The following NCEH1 variants were observed in gnomAD, a reference collection of about 807,000 sequenced individuals.
NCEH1 encodes neutral cholesterol ester hydrolase 1.
NCEH1 carries 9 observed loss-of-function variants against 25.4 expected under a neutral mutation model. That is an observed-to-expected ratio of 0.35 (90% CI 0.21 to 0.62). The LOEUF is 0.62. Among genes scored for constraint, NCEH1 ranks in the 20% least tolerant of loss-of-function variants. The pLI, the probability that NCEH1 is intolerant of heterozygous loss-of-function variation, is 0.72. For synonymous variants in NCEH1, 200 were observed against 199.8 expected, an observed-to-expected ratio of 1.00 and a Z score of -0.01; for missense variants, 412 against 501.1, an observed-to-expected ratio of 0.82 and a Z score of 1.70.
chr3:172,684,162 C>G (rs796726298), intron 1 of NCEH1, among the ~76,000 whole-genome samples: 8 of 152,314 alleles, frequency 5.3e-5, no homozygotes, highest in African/African-American at 1.9e-4. Context: ...ACTGCTTCAC[C>G]CTAACACTTA....
chr3:172,645,635 A>G lies in NCEH1; in HGVS notation c.425T>C (p.Ile142Thr). 6.3e-7 allele frequency: 1 copy of G among 1,599,074 alleles called. No homozygotes were observed. Among genetic ancestry groups the G allele is most frequent in the Non-Finnish European group, 8.5e-7 (1 of 1,171,356 alleles). ...TAMAEELNAV[I>T]VSIEYRLVPK... is the part of the protein sequence containing the mutation. Reference sequence around the variant, plus strand: ...ATTAATTACTTACTCAATGGAAACAATGACAGCATTCAATTCCTCAGCCAT... The same window carrying G: ...ATTAATTACTTACTCAATGGAAACAGTGACAGCATTCAATTCCTCAGCCAT... Residue 142 changes from isoleucine to threonine, a missense_variant, in exon 3 of 5, where the codon ATT (isoleucine) becomes ACT (threonine). Transcript: ENST00000475381.
intron 1 of NCEH1, among the ~76,000 whole-genome samples, chr3:172,682,877 T>C (rs1325188781): frequency 6.6e-6 from 1 of 152,236 alleles, no homozygotes; most frequent in Non-Finnish European, 1.5e-5. Flanking sequence ...CTTTGTCATG[T>C]AGCTTTTAGA....
At chr3:172,657,425 T>C (rs1272308886) in intron 1 of NCEH1, among the ~76,000 whole-genome samples, 1 of 152,180 alleles carries the variant, frequency 6.6e-6, no homozygotes, top group Non-Finnish European at 1.5e-5. Context: ...AACCTTACTA[T>C]TGTCCTCAGC....
chr3:172,643,310 T>C (rs1447737292), intron 3 of NCEH1, among the ~76,000 whole-genome samples: 1 of 152,144 alleles, frequency 6.6e-6, no homozygotes, highest in East Asian at 1.9e-4. Context: ...TGGGCTCAAG[T>C]AATCCTTGTA....
intron 1 of NCEH1, among the ~76,000 whole-genome samples, chr3:172,658,451 T>G (rs980808606): frequency 9.2e-5 from 14 of 152,196 alleles, no homozygotes; most frequent in Non-Finnish European, 1.6e-4. Context: ...AGGGCATGCA[T>G]GGACCTAAAG....
At chr3:172,709,006 C>A (rs1214900633) in intron 1 of NCEH1, among the ~76,000 whole-genome samples, 1 of 152,136 alleles carries the variant, frequency 6.6e-6, no homozygotes, top group Non-Finnish European at 1.5e-5. Context: ...TGATAAGAGC[C>A]ATTTTTCTGC....
At chr3:172,670,715 G>A (rs1711563453) in intron 1 of NCEH1, among the ~76,000 whole-genome samples, 1 of 152,146 alleles carries the variant, frequency 6.6e-6, no homozygotes, top group Non-Finnish European at 1.5e-5. Flanking sequence ...AGCATCAGTA[G>A]TTAATGGTAA....
intron 1 of NCEH1, among the ~76,000 whole-genome samples, chr3:172,690,150 G>A (rs565493696): frequency 5.3e-5 from 8 of 152,036 alleles, no homozygotes; most frequent in Middle Eastern, 3.4e-3. Flanking sequence ...TGATCCACCC[G>A]CCTCGGCCTC....
In NCEH1 at chr3:172,633,394, A is replaced by T; in HGVS notation, c.*81T>A. The T allele has an allele frequency of 7.7e-7, 1 of 1,291,276 alleles. No homozygotes were observed. The highest frequency in any genetic ancestry group is 1.1e-6 in the Non-Finnish European group (1 of 924,226). 80.0% of individuals were successfully genotyped at this position (1,291,276 alleles called of 1,614,324 possible). ...GTAGAGGGGAATGGGAGGAAGAATT[A>T]GTCAACTAAAAAGTGCATGTCTTTC... On this transcript the variant is annotated 3_prime_UTR_variant, in exon 5 of 5. Transcript: ENST00000475381.
chr3:172,633,320 G>T lies in NCEH1; in HGVS notation c.*155C>A. On this transcript the variant is annotated 3_prime_UTR_variant, in exon 5 of 5. Coordinates refer to ENST00000475381, the MANE Select transcript of NCEH1 (RefSeq NM_020792.6). ...TAGTCAAATTCATTTTTAAAAATTA[G>T]GTTATCATAAAGACTTCAGTTATGG... is the stretch of plus-strand genomic sequence containing the variant. 1.3e-6 allele frequency: 1 copy of T among 746,032 alleles called. No individual in the cohort carries two copies. The allele number at this position is 746,032 out of a possible 1,614,324, so 46.2% of individuals were successfully genotyped here.
intron 1 of NCEH1, among the ~76,000 whole-genome samples, chr3:172,674,128 T>G (rs1336767570): frequency 1.3e-5 from 2 of 152,106 alleles, no homozygotes; most frequent in Non-Finnish European, 2.9e-5. Context: ...ATAGAACATC[T>G]TAAGTTGAAA....
At chr3:172,704,274 T>C (rs541967030) in intron 1 of NCEH1, among the ~76,000 whole-genome samples, 2 of 152,346 alleles carry the variant, frequency 1.3e-5, no homozygotes, top group East Asian at 3.9e-4. Flanking sequence ...CCAAAAGCAC[T>C]GTCACCCATA....
intron 1 of NCEH1, among the ~76,000 whole-genome samples, chr3:172,671,492 C>T (rs1322678753): frequency 2.4e-5 from 3 of 127,278 alleles, no homozygotes; most frequent in Non-Finnish European, 4.7e-5. Context: ...ACCGCTGCTA[C>T]ACACACATAC....
At chr3:172,674,702 T>C (rs1029010775) in intron 1 of NCEH1, among the ~76,000 whole-genome samples, 1 of 152,224 alleles carries the variant, frequency 6.6e-6, no homozygotes, top group Non-Finnish European at 1.5e-5. Flanking sequence ...TATGCCACTC[T>C]TGTGGAAATT....
intron 1 of NCEH1, among the ~76,000 whole-genome samples, chr3:172,671,434 T>G (rs1711611767): frequency 6.6e-6 from 1 of 151,834 alleles, no homozygotes; most frequent in Non-Finnish European, 1.5e-5. Flanking sequence ...ACCTTTCGGG[T>G]AAAATATTTT....
intron 2 of NCEH1, among the ~76,000 whole-genome samples, chr3:172,646,726 T>C (rs1258301873): frequency 6.6e-6 from 1 of 152,230 alleles, no homozygotes; most frequent in Non-Finnish European, 1.5e-5. Context: ...GTCAAAATTA[T>C]GCAGAAAAGG....
At chr3:172,656,213 A>G (rs893388874) in intron 1 of NCEH1, among the ~76,000 whole-genome samples, 4 of 152,020 alleles carry the variant, frequency 2.6e-5, no homozygotes, top group African/African-American at 7.3e-5. Context: ...AGACATAAGG[A>G]AGGCACTAGA....
At chr3:172,671,173 C>T (rs530892932) in intron 1 of NCEH1, among the ~76,000 whole-genome samples, 1 of 152,216 alleles carries the variant, frequency 6.6e-6, no homozygotes, top group South Asian at 2.1e-4. Flanking sequence ...CTGGATTAAC[C>T]CAATTATTTT....
Position 172,631,475 on chromosome 3 carries a change from G to A in NCEH1, c.*2000C>T, listed in dbSNP as rs1716350169. On this transcript the variant is annotated 3_prime_UTR_variant, in exon 5 of 5. Transcript: ENST00000475381. Reference sequence around the variant, plus strand: ...CAAAAAAACCACCACATAAGGAGAGGCCAATATAATTTGCCAGTCTGACAA... The same window carrying A: ...CAAAAAAACCACCACATAAGGAGAGACCAATATAATTTGCCAGTCTGACAA... 6.6e-6 allele frequency: 1 copy of A among 152,460 alleles called. No homozygotes were observed. The highest frequency in any genetic ancestry group is 6.6e-5 in the Admixed American group (1 of 15,262). The allele number at this position is 152,460 out of a possible 1,614,324, so 9.4% of individuals were successfully genotyped here.
Sources: gnomAD v4.1 joint callset for allele counts (sites outside exome capture counted in the v4.1 genomes callset) on GRCh38, gnomAD v4.1.1 for gene constraint, MANE v1.5 for transcripts, NCBI Gene and HGNC (gene_info 2026-07-23, HGNC 2026-07-21) for gene names.